The following LUZP2 variants were observed in gnomAD, a reference collection of about 807,000 sequenced individuals.
The protein encoded by LUZP2 is leucine zipper protein 2.
LUZP2 carries 52 observed loss-of-function variants against 51.6 expected under a neutral mutation model. The ratio of observed to expected loss-of-function variants is 1.01; its 90% CI spans 0.81 to 1.27. The LOEUF (loss-of-function observed/expected upper bound fraction) is 1.27, where lower values mean the gene tolerates loss of function less well. Ranked by LOEUF, LUZP2 falls within the 50% of genes most tolerant of loss-of-function variation. LUZP2 has a pLI of 0.00. For missense variants in LUZP2, 436 were observed against 395.4 expected, an observed-to-expected ratio of 1.10 and a Z score of -0.87; for synonymous variants, 154 against 137.3, an observed-to-expected ratio of 1.12 and a Z score of -0.85.
chr11:24,683,890 C>A (rs1249331480), intron 1 of LUZP2, among the ~76,000 whole-genome samples: 1 of 151,788 alleles, frequency 6.6e-6, no homozygotes, highest in Non-Finnish European at 1.5e-5. Flanking sequence ...AAAACAGAAC[C>A]CACCATCCCT....
chr11:24,626,085 A>C (rs1854671796), intron 1 of LUZP2, among the ~76,000 whole-genome samples: 1 of 152,126 alleles, frequency 6.6e-6, no homozygotes, highest in Admixed American at 6.6e-5. Context: ...TAAAGTGTCA[A>C]CCTCGGAGGG....
chr11:24,974,473 A>G (rs1378115268), intron 7 of LUZP2, among the ~76,000 whole-genome samples: 8 of 127,694 alleles, frequency 6.3e-5, no homozygotes, highest in Non-Finnish European at 1.3e-4. Flanking sequence ...TGATTCTGTC[A>G]TGATGCTGAA....
chr11:24,927,007 T>G (rs1854297787), intron 7 of LUZP2, among the ~76,000 whole-genome samples: 1 of 152,022 alleles, frequency 6.6e-6, no homozygotes, highest in African/African-American at 2.4e-5. Context: ...TTAGAAATGT[T>G]GAGTATTTTC....
In LUZP2 at chr11:24,729,246, A is replaced by G. The variant is rs774639327; in HGVS notation, c.140A>G (p.Lys47Arg). ...AGCACCATTCTTCGTCAGCTGACAA[A>G]GACATCAAGAGAACTTGATGGAATT... The part of the protein sequence containing the change: ...ERSTILRQLT[K>R]TSRELDGIKV... The change falls in exon 2 of 12, where the codon AAG (lysine) becomes AGG (arginine). Residue 47 changes from lysine (K) to arginine (R), a missense_variant. By Grantham distance (26) the Lys-to-Arg change is conservative. Transcript: ENST00000336930. The G allele has an allele frequency of 1.3e-6, 2 of 1,569,578 alleles. No homozygotes were observed. The highest frequency in any genetic ancestry group is 2.3e-5 in the South Asian group (2 of 85,668).
intron 1 of LUZP2, among the ~76,000 whole-genome samples, chr11:24,635,832 G>A (rs1387746852): frequency 2.6e-5 from 4 of 152,102 alleles, no homozygotes; most frequent in Non-Finnish European, 4.4e-5. Context: ...AGGCCCCACA[G>A]CAATACTTTA....
At chr11:24,741,955 AT>A (rs1265247560) in intron 4 of LUZP2, among the ~76,000 whole-genome samples, 11 of 105,438 alleles carry the variant, frequency 1.0e-4, no homozygotes, top group Middle Eastern at 4.4e-3. Flanking sequence ...ACATTTATAT[AT>A]TATATATAAA....
At chr11:24,560,771 C>T (rs570766429) in intron 1 of LUZP2, among the ~76,000 whole-genome samples, 2 of 152,304 alleles carry the variant, frequency 1.3e-5, no homozygotes, top group Admixed American at 6.5e-5. Context: ...TACAACAGTC[C>T]TGTTGAAAAA....
intron 5 of LUZP2, among the ~76,000 whole-genome samples, chr11:24,776,699 T>G (rs1032918992): frequency 2.6e-5 from 4 of 152,176 alleles, no homozygotes; most frequent in African/African-American, 4.8e-5. Flanking sequence ...ATATTGAGGA[T>G]CTTCACTCTT....
intron 1 of LUZP2, among the ~76,000 whole-genome samples, chr11:24,562,380 CTTG>C (rs1240796825): frequency 6.6e-6 from 1 of 151,478 alleles, no homozygotes; most frequent in African/African-American, 2.4e-5. Context: ...GAAAGTGTTA[CTTG>C]TTTGATAAGA....
At chr11:24,788,664 C>CA (rs1849317858) in intron 5 of LUZP2, among the ~76,000 whole-genome samples, 1 of 151,994 alleles carries the variant, frequency 6.6e-6, no homozygotes, top group Non-Finnish European at 1.5e-5. Flanking sequence ...CATATAAATA[C>CA]TATTTATTTT....
At chr11:24,750,853 T>C (rs563471086) in intron 4 of LUZP2, among the ~76,000 whole-genome samples, 1 of 152,292 alleles carries the variant, frequency 6.6e-6, no homozygotes, top group Non-Finnish European at 1.5e-5. Flanking sequence ...AAGTGACATA[T>C]ACTAATCTTG....
At chr11:24,528,083 AT>A (rs1460149545) in intron 1 of LUZP2, among the ~76,000 whole-genome samples, 1 of 151,238 alleles carries the variant, frequency 6.6e-6, no homozygotes, top group Non-Finnish European at 1.5e-5. Flanking sequence ...CGATGTAGAC[AT>A]TTTTTTGATG....
intron 1 of LUZP2, among the ~76,000 whole-genome samples, chr11:24,702,657 C>T (rs1857451942): frequency 6.6e-6 from 1 of 152,114 alleles, no homozygotes; most frequent in African/African-American, 2.4e-5. Context: ...GGATGGTGCT[C>T]CTACAAACTA....
intron 5 of LUZP2, among the ~76,000 whole-genome samples, chr11:24,871,470 G>T (rs1280284000): frequency 6.6e-6 from 1 of 151,908 alleles, no homozygotes; most frequent in East Asian, 1.9e-4. Context: ...TGTACATTTT[G>T]CTGTAAACTT....
At chr11:24,692,604 C>T (rs547469070) in intron 1 of LUZP2, among the ~76,000 whole-genome samples, 1 of 152,036 alleles carries the variant, frequency 6.6e-6, no homozygotes, top group African/African-American at 2.4e-5. Flanking sequence ...TATTTAGTGG[C>T]ATTATTTTAC....
At chr11:24,866,662 TCAA>T (rs2134257454) in intron 5 of LUZP2, among the ~76,000 whole-genome samples, 1 of 152,302 alleles carries the variant, frequency 6.6e-6, no homozygotes, top group South Asian at 2.1e-4. Context: ...CTATCCCTCT[TCAA>T]CATATATAGC....
At chr11:24,676,539 T>A (rs1038168068) in intron 1 of LUZP2, among the ~76,000 whole-genome samples, 1 of 152,208 alleles carries the variant, frequency 6.6e-6, no homozygotes, top group Non-Finnish European at 1.5e-5. Flanking sequence ...TAAAACTGTC[T>A]GTTACAAATA....
At chr11:24,866,596 G>T (rs949778912) in intron 5 of LUZP2, among the ~76,000 whole-genome samples, 15 of 151,942 alleles carry the variant, frequency 9.9e-5, no homozygotes, top group Non-Finnish European at 2.1e-4. Flanking sequence ...ATCAAATATT[G>T]CAATGTGCAA....
chr11:24,592,154 C>A (rs1039731321), intron 1 of LUZP2, among the ~76,000 whole-genome samples: 10 of 152,288 alleles, frequency 6.6e-5, no homozygotes, highest in Admixed American at 5.9e-4. Context: ...TTACTCTAAG[C>A]AAACACTAAC....
Sources: gnomAD v4.1 joint callset for allele counts (sites outside exome capture counted in the v4.1 genomes callset) on GRCh38, gnomAD v4.1.1 for gene constraint, MANE v1.5 for transcripts, NCBI Gene and HGNC (gene_info 2026-07-23, HGNC 2026-07-21) for gene names.